Variants in PARD3 observed in about 807,000 individuals in gnomAD.
PARD3 encodes partitioning defective 3 homolog.
A neutral mutation model predicts 155.4 loss-of-function variants in PARD3; 75 were observed. The ratio of observed to expected loss-of-function variants is 0.48; its 90% CI spans 0.40 to 0.58. PARD3 has a LOEUF of 0.58. PARD3 is among the 20% of genes least tolerant of loss of function. The pLI is 0.00. For missense variants in PARD3, 1,642 were observed against 1,721.7 expected, an observed-to-expected ratio of 0.95 and a Z score of 0.82; for synonymous variants, 576 against 610.5, an observed-to-expected ratio of 0.94 and a Z score of 0.83.
At chr10:34,307,290 A>C (rs1244393208) in intron 20 of PARD3, among the ~76,000 whole-genome samples, 1 of 152,132 alleles carries the variant, frequency 6.6e-6, no homozygotes, top group Admixed American at 6.5e-5. Context: ...TAAGGGAAGA[A>C]ACACTTGGGA....
intron 3 of PARD3, among the ~76,000 whole-genome samples, chr10:34,516,777 A>G (rs550090041): frequency 6.6e-6 from 1 of 152,240 alleles, no homozygotes. Flanking sequence ...AAAGTCTACT[A>G]GTCGAAAGTA....
chr10:34,349,848 C>T (rs565824466), intron 14 of PARD3, among the ~76,000 whole-genome samples: 1 of 152,236 alleles, frequency 6.6e-6, no homozygotes, highest in East Asian at 1.9e-4. Context: ...TATAAAACTT[C>T]TTCTTGAGAA....
At chr10:34,202,997 C>T (rs1951291276) in intron 22 of PARD3, among the ~76,000 whole-genome samples, 1 of 152,190 alleles carries the variant, frequency 6.6e-6, no homozygotes, top group Non-Finnish European at 1.5e-5. Flanking sequence ...GAGGTCTGCA[C>T]TTGAACACAA....
intron 2 of PARD3, among the ~76,000 whole-genome samples, chr10:34,586,673 G>A (rs187769264): frequency 1.7e-4 from 26 of 152,300 alleles, no homozygotes; most frequent in African/African-American, 5.8e-4. Flanking sequence ...ATGGCCAGGC[G>A]CAGTGGCTCA....
intron 2 of PARD3, among the ~76,000 whole-genome samples, chr10:34,681,969 T>A (rs1233406990): frequency 6.6e-6 from 1 of 150,850 alleles, no homozygotes; most frequent in Non-Finnish European, 1.5e-5. Context: ...GGACAAGTGT[T>A]CTCTATTTAC....
chr10:34,603,855 C>G (rs993089973), intron 2 of PARD3, among the ~76,000 whole-genome samples: 1 of 152,160 alleles, frequency 6.6e-6, no homozygotes, highest in Non-Finnish European at 1.5e-5. Context: ...AGCTCAATGA[C>G]AGACAGCAAC....
intron 22 of PARD3, among the ~76,000 whole-genome samples, chr10:34,240,564 T>C (rs1235662339): frequency 6.6e-6 from 1 of 152,182 alleles, no homozygotes; most frequent in Non-Finnish European, 1.5e-5. Flanking sequence ...AATAGCAAAA[T>C]CTTTGACAGA....
chr10:34,719,335 A>G (rs1481349856), intron 1 of PARD3, among the ~76,000 whole-genome samples: 3 of 152,222 alleles, frequency 2.0e-5, no homozygotes, highest in African/African-American at 7.2e-5. Context: ...AAAGGCCCCA[A>G]ATAAATTTTA....
chr10:34,138,638 C>A lies in PARD3; in HGVS notation c.3420-7055G>T, dbSNP rs377730821. Among the ~76,000 whole-genome samples the A allele has an allele frequency of 3.0e-4, 46 of 152,284 alleles. 1 individual carries two copies. The East Asian group carries it at 3.9e-3, about 13-fold the overall frequency. On this transcript the variant is annotated intron_variant, in intron 22 of 24. Transcript: ENST00000374788. Reference sequence around the variant, plus strand: ...GTTAACATTTGATTTACTTAGTTTGCCAAGAGCTCAGGACTTAAAAGATGC... The same window carrying A: ...GTTAACATTTGATTTACTTAGTTTGACAAGAGCTCAGGACTTAAAAGATGC...
rs7477186 is a variant in PARD3, at chr10:34,162,582, C to G, written c.3420-30999G>C. ...CTATGTGTTATGCATAAAGTGATCA[C>G]TAGAAGAGTATGCTTCCTGCCCTTA... On this transcript the variant is annotated intron_variant, in intron 22 of 24. Transcript: ENST00000374788. Among the ~76,000 whole-genome samples the G allele has an allele frequency of 6.3e-3, 964 of 152,272 alleles. 13 individuals carry two copies. Among genetic ancestry groups the G allele is most frequent in the African/African-American group, 0.022 (904 of 41,544 alleles).
At chr10:34,459,142 C>G (rs1425089277) in intron 4 of PARD3, among the ~76,000 whole-genome samples, 2 of 152,076 alleles carry the variant, frequency 1.3e-5, no homozygotes, top group Non-Finnish European at 2.9e-5. Context: ...ACTTTGAAGG[C>G]AAGAAATACG....
intron 9 of PARD3, 24 bp downstream of exon 9, chr10:34,382,516 A>C: frequency 6.3e-7 from 1 of 1,586,440 alleles, no homozygotes; most frequent in South Asian, 1.2e-5. Context: ...AAATTCCACA[A>C]AACAAAAACA....
chr10:34,427,920 C>T (rs2075704422), intron 5 of PARD3, among the ~76,000 whole-genome samples: 1 of 152,110 alleles, frequency 6.6e-6, no homozygotes, highest in Non-Finnish European at 1.5e-5. Flanking sequence ...AAGACACAAA[C>T]ACACCATATC....
intron 5 of PARD3, among the ~76,000 whole-genome samples, chr10:34,424,575 C>G (rs1480656924): frequency 6.6e-6 from 1 of 152,074 alleles, no homozygotes; most frequent in Non-Finnish European, 1.5e-5. Context: ...AGTGCAATGG[C>G]ATGGTCTCAG....
chr10:34,156,766 C>T (rs1949025804), intron 22 of PARD3, among the ~76,000 whole-genome samples: 1 of 152,182 alleles, frequency 6.6e-6, no homozygotes, highest in Non-Finnish European at 1.5e-5. Context: ...CCATGCTCTT[C>T]TCATGAGACC....
At chr10:34,716,844 G>A (rs539420913) in intron 1 of PARD3, among the ~76,000 whole-genome samples, 60 of 151,996 alleles carry the variant, frequency 3.9e-4, no homozygotes, top group Non-Finnish European at 5.4e-4. Context: ...CACCTGCCTC[G>A]GCCTCCCAAA....
At chr10:34,808,876 T>A (rs993833983) in intron 1 of PARD3, among the ~76,000 whole-genome samples, 5 of 152,136 alleles carry the variant, frequency 3.3e-5, no homozygotes, top group African/African-American at 1.2e-4. Flanking sequence ...ATCCTAAACA[T>A]TCCTACTTAG....
chr10:34,541,634 T>C (rs1316515282), intron 2 of PARD3, among the ~76,000 whole-genome samples: 3 of 152,236 alleles, frequency 2.0e-5, no homozygotes, highest in Non-Finnish European at 2.9e-5. Context: ...AGGAGGCCCC[T>C]GGGAAGTGCT....
At chr10:34,756,731 G>C (rs1297869394) in intron 1 of PARD3, among the ~76,000 whole-genome samples, 1 of 152,088 alleles carries the variant, frequency 6.6e-6, no homozygotes, top group Non-Finnish European at 1.5e-5. Context: ...GGGATTACAG[G>C]TGTGAGCCAC....
Sources: gnomAD v4.1 joint callset for allele counts (sites outside exome capture counted in the v4.1 genomes callset) on GRCh38, gnomAD v4.1.1 for gene constraint, MANE v1.5 for transcripts, NCBI Gene and HGNC (gene_info 2026-07-23, HGNC 2026-07-21) for gene names.